DHX8: variants seen among roughly 807,000 people sequenced by gnomAD.
DHX8 encodes the protein ATP-dependent RNA helicase DHX8.
DHX8 carries 67 observed loss-of-function variants against 140.7 expected under a neutral mutation model. That is an observed-to-expected ratio of 0.48 (90% confidence interval 0.39 to 0.58). The LOEUF (loss-of-function observed/expected upper bound fraction) is 0.58. Among genes scored for constraint, DHX8 ranks in the 20% least tolerant of loss-of-function variants. The pLI, the probability that DHX8 is intolerant of heterozygous loss-of-function variation, is 0.00. For synonymous variants in DHX8, 533 were observed against 553.2 expected (o/e 0.96, Z 0.51); for missense variants, 887 against 1,550.7 (o/e 0.57, Z 7.19).
At chr17:43,541,906 C>T (rs539892141) in intron 3 of DHX8, among the ~76,000 whole-genome samples, 7 of 152,288 alleles carry the variant, frequency 4.6e-5, no homozygotes, top group Admixed American at 1.3e-4. Flanking sequence ...AGATTAACCT[C>T]ATCCCTCCCC....
chr17:43,494,084 T>C (rs940436725), intron 8 of DHX8, among the ~76,000 whole-genome samples, 198 bp downstream of exon 8: 1 of 152,170 alleles, frequency 6.6e-6, no homozygotes, highest in Non-Finnish European at 1.5e-5. Flanking sequence ...TTCCACTTGG[T>C]TGGGGAGGCC....
chr17:43,534,554 G>A (rs1189271254), intron 2 of DHX8, among the ~76,000 whole-genome samples: 1 of 152,180 alleles, frequency 6.6e-6, no homozygotes, highest in Non-Finnish European at 1.5e-5. Flanking sequence ...ACACTTTCAA[G>A]GAGTGAGCAC....
intron 2 of DHX8, chr17:43,533,879 G>T: frequency 6.2e-7 from 1 of 1,605,458 alleles, no homozygotes; most frequent in Non-Finnish European, 8.5e-7. Flanking sequence ...GGCACTGCTC[G>T]CCATGGTGGT....
At chr17:43,544,037 A>G (rs1254908645) in intron 3 of DHX8, 1 of 152,196 alleles carries the variant, frequency 6.6e-6, no homozygotes, top group Non-Finnish European at 1.5e-5. Context: ...AAAGACCTCA[A>G]AAAAGGAGTT....
rs373928988 is a variant in DHX8, at chr17:43,490,293, C to G, written c.235-98C>G. ...TATTCCAATTAGCTAAATTCAAGTG[C>G]GTAACCACCCTTCCCTACAGGACAT... On this transcript the variant is annotated intron_variant, in intron 2 of 22. Transcript: ENST00000262415. The G allele has an allele frequency of 3.3e-5, 29 of 877,674 alleles. No homozygotes were observed. In the South Asian group the frequency reaches 4.4e-4, roughly 13 times the overall value. The allele number at this position is 877,674 out of a possible 1,614,324, so 54.4% of individuals were successfully genotyped here. A position where few individuals can be genotyped will look rare whatever the true frequency, so the allele number is the denominator to read the frequency against.
rs949569073 is a variant in DHX8 at position 43,536,561 on chromosome 17, T to G, written c.*20+63T>G. ...GCTCCATTATTACAGCCCTGCAGAT[T>G]AGCAACAGCCAAGAAAGGACCAACA... is the stretch of plus-strand genomic sequence containing the variant. On this transcript the variant is annotated intron_variant, in intron 3 of 3. Coordinates refer to the DHX8 transcript ENST00000589898. 8 of 1,243,496 alleles carry G rather than the reference T, an allele frequency of 6.4e-6. No individual in the cohort carries two copies. In the African/African-American group the frequency reaches 1.0e-4, roughly 16 times the overall value. 77.0% of individuals were successfully genotyped at this position (1,243,496 alleles called of 1,614,324 possible). A position where few individuals can be genotyped will look rare whatever the true frequency, so the allele number is the denominator to read the frequency against.
At chr17:43,501,640 C>A (rs1433279444) in intron 11 of DHX8, among the ~76,000 whole-genome samples, 1 of 152,130 alleles carries the variant, frequency 6.6e-6, no homozygotes, top group Non-Finnish European at 1.5e-5. Flanking sequence ...TGCACCACCA[C>A]GCCTAGCTAA....
intron 2 of DHX8, chr17:43,534,117 T>C (rs539931555): frequency 1.0e-6 from 1 of 973,726 alleles, no homozygotes; most frequent in African/African-American, 1.7e-5. Flanking sequence ...TGGGTATCAA[T>C]TTTCTGAGAC....
At chr17:43,520,623 G>A (rs1970328300) in intron 19 of DHX8, 128 bp from the exon 20 acceptor site, 1 of 1,046,876 alleles carries the variant, frequency 9.6e-7, no homozygotes, top group Admixed American at 2.5e-5. Context: ...ATAGAGAAAG[G>A]CATCCCAAGG....
intron 3 of DHX8, among the ~76,000 whole-genome samples, chr17:43,537,649 T>A (rs1429699558): frequency 6.6e-6 from 1 of 151,786 alleles, no homozygotes; most frequent in East Asian, 1.9e-4. Context: ...TCAGCTGAGA[T>A]CATGCCACTG....
At position 43,492,791 on chromosome 17, in the gene DHX8, G is replaced by A. The variant is rs770990323; in HGVS notation, c.614G>A (p.Arg205His). 23 of 1,614,014 alleles carry A rather than the reference G, an allele frequency of 1.4e-5. No individual in the cohort carries two copies. The highest frequency in any genetic ancestry group is 4.0e-5 in the African/African-American group (3 of 74,900). Residue 205 changes from arginine (R) to histidine (H), a missense_variant, in exon 6 of 23, where the codon CGC (arginine) becomes CAC (histidine). Physicochemically the swap from Arg to His is conservative, Grantham distance 29 (BLOSUM62 0). Transcript: ENST00000262415. The part of the protein sequence containing the change: ...DRDHKRRHRS[R>H]SRSRSRTRER... ...GACCACAAGCGGAGACACCGATCCC[G>A]CTCTCGATCACGTTCCAGGACCCGG...
intron 20 of DHX8, 79 bp downstream of exon 20, chr17:43,520,958 T>C: frequency 8.5e-7 from 1 of 1,178,586 alleles, no homozygotes; most frequent in South Asian, 1.8e-5. Context: ...CAATGCTTGA[T>C]GTGGACTTTT....
Position 43,492,955 on chromosome 17 carries a change from G to T in DHX8, c.778G>T (p.Glu260Ter), listed in dbSNP as rs750870534. 3 of 1,614,198 alleles carry T rather than the reference G, an allele frequency of 1.9e-6. No homozygotes were observed. The highest frequency in any genetic ancestry group is 2.5e-6 in the Non-Finnish European group (3 of 1,180,032). Residue 260 changes from glutamate to a stop codon, truncating the protein, a stop_gained, in exon 6 of 23, where the codon GAA becomes TAA. Transcript: ENST00000262415. LOFTEE classifies it high-confidence loss of function. Reference sequence around the variant, plus strand: ...TAAGCATGTGGACCGCCCTCCTCCAGAAGAGCCCACCATTGGTGACATTTA... The same window carrying T: ...TAAGCATGTGGACCGCCCTCCTCCATAAGAGCCCACCATTGGTGACATTTA... Reference protein sequence around the residue: ...RDKHVDRPPPEEPTIGDIYNG... With the variant: ...RDKHVDRPPP
At chr17:43,504,099 A>T (rs942967738) in intron 11 of DHX8, among the ~76,000 whole-genome samples, 7 of 152,170 alleles carry the variant, frequency 4.6e-5, no homozygotes, top group East Asian at 3.9e-4. Context: ...TAAAATAAAA[A>T]AAGTGTAACA....
chr17:43,495,848 C>T (rs1318370387), intron 8 of DHX8, among the ~76,000 whole-genome samples: 2 of 152,182 alleles, frequency 1.3e-5, no homozygotes, highest in Non-Finnish European at 1.5e-5. Flanking sequence ...CATGTAATCT[C>T]AGCACTTTGG....
At chr17:43,504,534 C>T (rs771780526) in intron 11 of DHX8, 110 bp from the exon 12 acceptor site, 46 of 1,022,164 alleles carry the variant, frequency 4.5e-5, no homozygotes, top group Non-Finnish European at 5.6e-5. Context: ...GATCACGGGT[C>T]GCTGAATTGA....
chr17:43,513,641 G>C, intron 17 of DHX8, 139 bp downstream of exon 17: 1 of 699,400 alleles, frequency 1.4e-6, no homozygotes, highest in Non-Finnish European at 2.1e-6. Flanking sequence ...ATGAGGGAAG[G>C]ATTTTTTGTT....
At chr17:43,532,989 C>T (rs774479271) in intron 2 of DHX8, 2 of 1,525,152 alleles carry the variant, frequency 1.3e-6, no homozygotes, top group Non-Finnish European at 1.8e-6. Flanking sequence ...TAAATTAATC[C>T]TTCCTCGAGC....
chr17:43,533,082 C>T, intron 2 of DHX8: 1 of 1,510,578 alleles, frequency 6.6e-7, no homozygotes, highest in Non-Finnish European at 9.0e-7. Flanking sequence ...TTCTATTCCA[C>T]TGCCCCCTGC....
Sources: allele counts gnomAD v4.1 joint callset (sites outside exome capture counted in the v4.1 genomes callset), GRCh38; gene constraint gnomAD v4.1.1; transcripts MANE v1.5; gene names NCBI Gene and HGNC (gene_info 2026-07-23, HGNC 2026-07-21).